The following STPG2 variants were observed in gnomAD, a reference collection of about 807,000 sequenced individuals.
The protein encoded by STPG2 is sperm-tail PG-rich repeat-containing protein 2.
A neutral mutation model predicts 54.2 loss-of-function variants in STPG2; 56 were observed. The ratio of observed to expected loss-of-function variants is 1.03; its 90% confidence interval spans 0.83 to 1.29. The LOEUF is 1.29. Among genes scored for constraint, STPG2 ranks in the 50% most tolerant of loss-of-function variants. The pLI is 0.00. For synonymous variants in STPG2, 200 were observed against 181.8 expected (o/e 1.10, Z -0.81); for missense variants, 596 against 544.9 (o/e 1.09, Z -0.93).
At chr4:98,041,596 GT>G (rs1273662531) in intron 5 of STPG2, among the ~76,000 whole-genome samples, 4 of 151,892 alleles carry the variant, frequency 2.6e-5, no homozygotes, top group South Asian at 4.1e-4. Context: ...TGATCATATA[GT>G]TTTTTGTTTT....
At chr4:97,831,900 TC>T (rs1728481298) in intron 9 of STPG2, among the ~76,000 whole-genome samples, 1 of 151,994 alleles carries the variant, frequency 6.6e-6, no homozygotes, top group Non-Finnish European at 1.5e-5. Flanking sequence ...CCAAAAAACA[TC>T]CAGGACCAGA....
chr4:98,043,434 T>C (rs1011389140), intron 5 of STPG2, among the ~76,000 whole-genome samples: 2 of 152,134 alleles, frequency 1.3e-5, no homozygotes, highest in Non-Finnish European at 2.9e-5. Context: ...GTCTTTTGTG[T>C]TTTTTTGTAT....
intron 7 of STPG2, among the ~76,000 whole-genome samples, chr4:97,950,287 T>C (rs72617716): frequency 6.6e-6 from 1 of 152,076 alleles, no homozygotes; most frequent in Non-Finnish European, 1.5e-5. Flanking sequence ...GGAAACTTTG[T>C]TCATTTCTGT....
At chr4:97,744,698 C>A (rs1227546232) in intron 9 of STPG2, among the ~76,000 whole-genome samples, 1 of 151,120 alleles carries the variant, frequency 6.6e-6, no homozygotes, top group African/African-American at 2.4e-5. Context: ...AGGAAATTAA[C>A]AACAATAACT....
At chr4:97,619,855 G>A (rs557769520) in intron 10 of STPG2, among the ~76,000 whole-genome samples, 11 of 140,214 alleles carry the variant, frequency 7.8e-5, no homozygotes, top group Non-Finnish European at 9.2e-5. Context: ...ACAGAGTCTC[G>A]CTCTCTCTCT....
intron 10 of STPG2, among the ~76,000 whole-genome samples, chr4:97,605,157 C>T (rs28721435): frequency 4.6e-5 from 7 of 151,142 alleles, no homozygotes; most frequent in East Asian, 3.9e-4. Context: ...TAAAAAGAAA[C>T]GACATTCAGC....
chr4:97,539,760 GCAC>G (rs1428052169), intron 4 of STPG2, among the ~76,000 whole-genome samples: 1 of 151,800 alleles, frequency 6.6e-6, no homozygotes, highest in Non-Finnish European at 1.5e-5. Flanking sequence ...ATTCTTCTCA[GCAC>G]CACACCGCAC....
chr4:97,665,482 C>T (rs1416182459), intron 10 of STPG2, among the ~76,000 whole-genome samples: 4 of 152,130 alleles, frequency 2.6e-5, no homozygotes, highest in Admixed American at 2.0e-4. Context: ...GCTGGTCATC[C>T]TGTCATCTTT....
At chr4:98,025,139 G>A (rs1419601823) in intron 5 of STPG2, among the ~76,000 whole-genome samples, 1 of 152,188 alleles carries the variant, frequency 6.6e-6, no homozygotes, top group African/African-American at 2.4e-5. Flanking sequence ...TGCAGTTCAA[G>A]TGAATTTAAG....
intron 4 of STPG2, among the ~76,000 whole-genome samples, chr4:97,477,782 G>A (rs75800368): frequency 0.05 from 7,646 of 151,908 alleles, 277 homozygotes; most frequent in Non-Finnish European, 0.082. Context: ...GAGGAACCGC[G>A]CCTGGCCTCG....
chr4:97,722,510 C>T (rs1382472573), intron 9 of STPG2, among the ~76,000 whole-genome samples: 3 of 151,886 alleles, frequency 2.0e-5, no homozygotes, highest in Non-Finnish European at 4.4e-5. Flanking sequence ...TATTTTGTGT[C>T]TGTTAGAATA....
At chr4:97,867,360 G>A (rs926299885) in intron 8 of STPG2, among the ~76,000 whole-genome samples, 10 of 151,726 alleles carry the variant, frequency 6.6e-5, no homozygotes, top group Admixed American at 6.6e-5. Context: ...CATTTATATT[G>A]GAAAAATGTC....
At position 98,014,091 on chromosome 4, in the gene STPG2, TC is replaced by T. The variant is rs1358643456; in HGVS notation, c.613-32774del. Among the ~76,000 whole-genome samples, 3 of 152,310 alleles carry T rather than the reference TC, an allele frequency of 2.0e-5. No homozygotes were observed. In the East Asian group the frequency reaches 5.8e-4, roughly 29 times the overall value. Reference sequence around the variant, plus strand: ...TGTCGATTTGAGATCCTTCTATCTTTCCCTTGTGGGCATTTAGTGCTATAAA... The same window carrying T: ...TGTCGATTTGAGATCCTTCTATCTTTCCTTGTGGGCATTTAGTGCTATAAA... On this transcript the variant is annotated intron_variant, in intron 5 of 10. Transcript: ENST00000295268.
At chr4:97,469,386 G>GTT (rs1321108393) in intron 4 of STPG2, among the ~76,000 whole-genome samples, 1 of 152,094 alleles carries the variant, frequency 6.6e-6, no homozygotes, top group Non-Finnish European at 1.5e-5. Flanking sequence ...AAGCTAATCT[G>GTT]TAACAGCTGG....
Position 97,908,869 on chromosome 4 carries a change from G to T in STPG2, c.1044+35028C>A, listed in dbSNP as rs1301403979. On this transcript the variant is annotated intron_variant, in intron 8 of 10. Transcript: ENST00000295268. ...ATCACATTCTGGGGACTGTTGTGGG[G>T]TTGGGGGAGGGGGGAGGGATAGCAT... Among the ~76,000 whole-genome samples, 3 of 138,836 alleles carry T rather than the reference G, an allele frequency of 2.2e-5. 1 individual carries two copies. In the South Asian group the frequency reaches 7.0e-4, roughly 32 times the overall value. The allele number at this position is 138,836 out of a possible 152,430, so 91.1% of individuals were successfully genotyped here.
intron 2 of STPG2, among the ~76,000 whole-genome samples, chr4:98,130,715 G>A (rs1578185381): frequency 1.3e-5 from 2 of 151,892 alleles, no homozygotes; most frequent in South Asian, 4.2e-4. Context: ...AAGGTCAGGA[G>A]ATCGAGACCA....
At chr4:97,986,461 T>C (rs1734835711) in intron 5 of STPG2, among the ~76,000 whole-genome samples, 1 of 152,220 alleles carries the variant, frequency 6.6e-6, no homozygotes, top group Admixed American at 6.5e-5. Context: ...AAGGTCCCAG[T>C]GGCAGCTGTA....
chr4:98,132,498 T>C (rs541573791), intron 2 of STPG2, among the ~76,000 whole-genome samples: 1 of 152,162 alleles, frequency 6.6e-6, no homozygotes, highest in African/African-American at 2.4e-5. Context: ...ATATCTTGTG[T>C]TCTAGGATAA....
At chr4:98,039,234 AAAT>A (rs1405221073) in intron 5 of STPG2, among the ~76,000 whole-genome samples, 9 of 151,782 alleles carry the variant, frequency 5.9e-5, no homozygotes. Flanking sequence ...GTATATATAT[AAAT>A]GAACTGTACT....
Sources: allele counts gnomAD v4.1 joint callset (sites outside exome capture counted in the v4.1 genomes callset), GRCh38; gene constraint gnomAD v4.1.1; transcripts MANE v1.5; gene names NCBI Gene and HGNC (gene_info 2026-07-23, HGNC 2026-07-21).